Variants in ANK1 observed in about 807,000 individuals in gnomAD.
ANK1 encodes the protein ankyrin 1.
ANK1 carries 51 observed loss-of-function variants against 210.4 expected under a neutral mutation model. The observed-to-expected ratio is 0.24, with a 90% CI of 0.19 to 0.31. The LOEUF is 0.31. Among genes scored for constraint, ANK1 ranks in the 10% least tolerant of loss-of-function variants. The probability of loss-of-function intolerance (pLI) is 1.00; values close to 1 mark genes in which losing one functional copy is unlikely to be tolerated. For synonymous variants in ANK1, 967 were observed against 1,025.9 expected (o/e 0.94, Z 1.10); for missense variants, 2,051 against 2,504.4 (o/e 0.82, Z 3.86).
At chr8:41,690,709 G>C in intron 31 of ANK1, 110 bp from the exon 32 acceptor site, 1 of 1,499,514 alleles carries the variant, frequency 6.7e-7, no homozygotes, top group South Asian at 1.1e-5. Flanking sequence ...CTCAGCAAGA[G>C]GCATGCGGGT....
chr8:41,734,663 A>AG (rs1265486585), intron 2 of ANK1, among the ~76,000 whole-genome samples: 5 of 151,958 alleles, frequency 3.3e-5, no homozygotes, highest in African/African-American at 1.2e-4. Context: ...AGGCTGAAGC[A>AG]GGCTGGTTGC....
At chr8:41,707,336 G>C (rs563662496) in intron 17 of ANK1, among the ~76,000 whole-genome samples, 1 of 152,196 alleles carries the variant, frequency 6.6e-6, no homozygotes, top group Non-Finnish European at 1.5e-5. Context: ...CTTTGCTAGC[G>C]TGGGACCAAC....
chr8:41,784,549 G>A (rs1244538911), intron 1 of ANK1, among the ~76,000 whole-genome samples: 1 of 152,216 alleles, frequency 6.6e-6, no homozygotes, highest in Non-Finnish European at 1.5e-5. Flanking sequence ...TGACAAATAT[G>A]AAAGGCAAGG....
intron 1 of ANK1, among the ~76,000 whole-genome samples, chr8:41,853,757 A>G (rs1366211283): frequency 6.6e-6 from 1 of 151,874 alleles, no homozygotes; most frequent in East Asian, 1.9e-4. Context: ...TATTTTTTAA[A>G]TTTAATTTAA....
chr8:41,875,556 T>G (rs1203430891), intron 1 of ANK1, among the ~76,000 whole-genome samples: 1 of 152,094 alleles, frequency 6.6e-6, no homozygotes, highest in East Asian at 1.9e-4. Flanking sequence ...ATACCAAGGC[T>G]CGGCAGACAG....
rs1814003978 is a variant in ANK1 at position 41,675,914 on chromosome 8, ATTT to A, written c.4538-3005_4538-3003del. Among the ~76,000 whole-genome samples, 3 of 152,268 alleles carry A rather than the reference ATTT, an allele frequency of 2.0e-5. No individual in the cohort carries two copies. In the South Asian group the frequency reaches 6.2e-4, roughly 32 times the overall value. On this transcript the variant is annotated intron_variant, in intron 37 of 42. Coordinates refer to ENST00000289734, the MANE Select transcript of ANK1 (RefSeq NM_000037.4). ...TGGCTTCTTTCACTCAACGTAGTCA[ATTT>A]GGGTTTCATCCATGCTGATGCATGT...
chr8:41,880,870 T>C (rs1477233272), intron 1 of ANK1, among the ~76,000 whole-genome samples: 2 of 152,200 alleles, frequency 1.3e-5, no homozygotes, highest in Non-Finnish European at 2.9e-5. Context: ...CACCTCCCAT[T>C]ATCGCAGGCT....
intron 1 of ANK1, among the ~76,000 whole-genome samples, chr8:41,810,307 C>T (rs773760337): frequency 1.3e-5 from 2 of 152,230 alleles, no homozygotes; most frequent in Non-Finnish European, 2.9e-5. Flanking sequence ...ATGTGCACAA[C>T]TTAGCTGAAG....
At position 41,654,355 on chromosome 8, in the gene ANK1, C is replaced by T. The variant is rs1196393540; in HGVS notation, c.*1435G>A. On this transcript the variant is annotated 3_prime_UTR_variant, in exon 43 of 43. Transcript: ENST00000289734. ...GCGTCCAGGCTCTCCGCCTCCGACT[C>T]TACTCTCACCGGCCATGCGGTCCGG... 6.5e-6 allele frequency: 1 copy of T among 152,710 alleles called. No individual in the cohort carries two copies. Among genetic ancestry groups the T allele is most frequent in the African/African-American group, 2.4e-5 (1 of 41,468 alleles). The allele number at this position is 152,710 out of a possible 1,614,324, so 9.5% of individuals were successfully genotyped here.
intron 1 of ANK1, among the ~76,000 whole-genome samples, chr8:41,790,240 G>A (rs1467300133): frequency 1.3e-5 from 2 of 151,520 alleles, no homozygotes; most frequent in Non-Finnish European, 2.9e-5. Context: ...TCTGCCTCCT[G>A]GGTTCAAGCG....
chr8:41,864,956 G>A (rs1487369472), intron 1 of ANK1, among the ~76,000 whole-genome samples: 1 of 152,228 alleles, frequency 6.6e-6, no homozygotes, highest in African/African-American at 2.4e-5. Flanking sequence ...TGACCAACCA[G>A]ATCACACATG....
At chr8:41,728,731 T>C (rs1431523357) in intron 3 of ANK1, among the ~76,000 whole-genome samples, 1 of 152,068 alleles carries the variant, frequency 6.6e-6, no homozygotes, top group East Asian at 1.9e-4. Flanking sequence ...AAAATTTTTA[T>C]AAAAGAAAAA....
At chr8:41,831,885 G>A (rs1345606306) in intron 1 of ANK1, among the ~76,000 whole-genome samples, 1 of 152,168 alleles carries the variant, frequency 6.6e-6, no homozygotes, top group African/African-American at 2.4e-5. Context: ...ACAGCAACAC[G>A]GGTGCATCCC....
chr8:41,861,105 T>C (rs1050588185), intron 1 of ANK1, among the ~76,000 whole-genome samples: 1 of 152,196 alleles, frequency 6.6e-6, no homozygotes, highest in African/African-American at 2.4e-5. Context: ...GGATGAGGGC[T>C]GTCTGGGCGA....
chr8:41,710,445 T>C (rs1180207513), intron 16 of ANK1, among the ~76,000 whole-genome samples: 1 of 152,226 alleles, frequency 6.6e-6, no homozygotes, highest in Non-Finnish European at 1.5e-5. Flanking sequence ...CAAACTCTGA[T>C]GTGTACACAA....
At position 41,865,113 on chromosome 8, in the gene ANK1, GC is replaced by G. The variant is rs373285738; in HGVS notation, c.126+31241del. Among the ~76,000 whole-genome samples the G allele has an allele frequency of 5.4e-3, 819 of 152,312 alleles. 7 individuals carry two copies. Among genetic ancestry groups the G allele is most frequent in the African/African-American group, 0.017 (694 of 41,564 alleles). On this transcript the variant is annotated intron_variant, in intron 1 of 42. Coordinates refer to the ANK1 transcript ENST00000265709. ...CGCTGCACACACCCTCTGAGCTGAG[GC>G]CTCCCTGGCCACCCAAGGGCTCCAA...
At chr8:41,844,316 T>C (rs1809594033) in intron 1 of ANK1, among the ~76,000 whole-genome samples, 1 of 152,120 alleles carries the variant, frequency 6.6e-6, no homozygotes, top group Non-Finnish European at 1.5e-5. Flanking sequence ...GAAAAAGCTA[T>C]ATTGGAGGTG....
In ANK1 at chr8:41,672,409, C is replaced by G; in HGVS notation, c.5041G>C (p.Ala1681Pro). The G allele has an allele frequency of 6.2e-7, 1 of 1,614,228 alleles. No individual in the cohort carries two copies. The highest frequency in any genetic ancestry group is 8.5e-7 in the Non-Finnish European group (1 of 1,180,038). ...ACGGTGGGGGAATGTGTGATTCGGG[C>G]TTGCCCCCTCTGATGGCCTGAAACA... is the stretch of plus-strand genomic sequence containing the variant. Reference protein sequence around the residue: ...SLVSGHQRGQARITHSPTVSQ... With the variant: ...SLVSGHQRGQPRITHSPTVSQ... Residue 1681 changes from alanine (A) to proline (P), a missense_variant, in exon 38 of 43, where the codon GCC becomes CCC. Ala to Pro is a conservative substitution (Grantham distance 27, BLOSUM62 -1). Coordinates refer to ENST00000289734, the MANE Select transcript of ANK1 (RefSeq NM_000037.4).
At chr8:41,832,688 C>CAGGGTTCCCAG (rs1167593182) in intron 1 of ANK1, among the ~76,000 whole-genome samples, 2 of 152,236 alleles carry the variant, frequency 1.3e-5, no homozygotes, top group Admixed American at 6.5e-5. Flanking sequence ...TCTCATCCCC[C>CAGGGTTCCCAG]AGGGTTCCCA....
Sources: gnomAD v4.1 joint callset for allele counts (sites outside exome capture counted in the v4.1 genomes callset) on GRCh38, gnomAD v4.1.1 for gene constraint, MANE v1.5 for transcripts, NCBI Gene and HGNC (gene_info 2026-07-23, HGNC 2026-07-21) for gene names.